The following BAG6 variants were observed in gnomAD, a reference collection of about 807,000 sequenced individuals.
BAG6 encodes the protein large proline-rich protein BAG6.
A neutral mutation model predicts 121.0 loss-of-function variants in BAG6; 22 were observed. The ratio of observed to expected loss-of-function variants is 0.18; its 90% CI spans 0.13 to 0.26. The LOEUF (loss-of-function observed/expected upper bound fraction) is 0.26. Ranked by LOEUF, BAG6 falls within the 10% of genes least tolerant of loss-of-function variation. The pLI, the probability that BAG6 is intolerant of heterozygous loss-of-function variation, is 1.00. For synonymous variants in BAG6, 583 were observed against 584.6 expected (o/e 1.00, Z 0.04); for missense variants, 1,233 against 1,537.7 (o/e 0.80, Z 3.31).
Position 31,649,393 on chromosome 6 carries a change from C to T in BAG6, c.229G>A (p.Val77Ile), listed in dbSNP as rs769204582. ...ACCAGGTGGATAACCTTTCCCCCAA[C>T]ATCTGCAGAAAAATAGACACACACC... is the stretch of plus-strand genomic sequence containing the variant. Reference protein sequence around the residue: ...QDDKKLQEYNVGGKVIHLVER... With the variant: ...QDDKKLQEYNIGGKVIHLVER... The change falls in exon 4 of 26, where the codon GTT becomes ATT. Residue 77 changes from valine to isoleucine, a missense_variant and splice_region_variant. Transcript: ENST00000676615. 1 of 1,602,220 alleles carries T rather than the reference C, an allele frequency of 6.2e-7. No homozygotes were observed. Among genetic ancestry groups the T allele is most frequent in the Non-Finnish European group, 8.5e-7 (1 of 1,173,984 alleles).
chr6:31,647,957 C>T (rs868403722), intron 6 of BAG6, 131 bp from the exon 7 acceptor site: 10 of 1,226,968 alleles, frequency 8.2e-6, no homozygotes, highest in Middle Eastern at 4.8e-4. Flanking sequence ...ATTTTATCTC[C>T]GACTCGCTAG....
chr6:31,645,646 A>G (rs183277513), intron 8 of BAG6, 42 bp from the exon 9 acceptor site: 3 of 1,600,658 alleles, frequency 1.9e-6, no homozygotes, highest in East Asian at 4.5e-5. Flanking sequence ...GAAAATATCA[A>G]GCTGGAGTCC....
At position 31,644,828 on chromosome 6, in the gene BAG6, T is replaced by C. The variant is rs1461852957; in HGVS notation, c.1369+118A>G. The C allele has an allele frequency of 1.4e-6, 2 of 1,479,602 alleles. No homozygotes were observed. Among genetic ancestry groups the C allele is most frequent in the Non-Finnish European group, 1.8e-6 (2 of 1,097,706 alleles). 91.7% of individuals were successfully genotyped at this position (1,479,602 alleles called of 1,614,324 possible). A position where few individuals can be genotyped will look rare whatever the true frequency, so the allele number is the denominator to read the frequency against. On this transcript the variant is annotated intron_variant, in intron 10 of 25. Coordinates refer to ENST00000676615, the MANE Select transcript of BAG6 (RefSeq NM_001387994.1). The surrounding 1 kb of genome is among the most constrained non-coding windows in gnomAD (Gnocchi z 4.9). Reference sequence around the variant, plus strand: ...CTGTCTACTTAAGCTTCTGCTCTGGTCCCCAGGCTACCACCACCAGCATGT... The same window carrying C: ...CTGTCTACTTAAGCTTCTGCTCTGGCCCCCAGGCTACCACCACCAGCATGT...
At chr6:31,643,249 T>G in intron 14 of BAG6, 134 bp from the exon 15 acceptor site, 1 of 836,570 alleles carries the variant, frequency 1.2e-6, no homozygotes, top group Non-Finnish European at 1.8e-6. Flanking sequence ...ACCCCATCTC[T>G]ACCAGAAAAA....
Position 31,640,346 on chromosome 6 carries a change from C to T in BAG6, c.3138+39G>A, listed in dbSNP as rs988488917. On this transcript the variant is annotated intron_variant, in intron 23 of 25. Transcript: ENST00000676615. The surrounding 1 kb of genome is among the most constrained non-coding windows in gnomAD (Gnocchi z 4.2). ...AGAAAATAGTAATGTCCTTGACTTT[C>T]AGCTGCCATGACCCACTGGATTACT... 1.9e-6 allele frequency: 3 copies of T among 1,614,080 alleles called. No homozygotes were observed. Among genetic ancestry groups the T allele is most frequent in the Non-Finnish European group, 2.5e-6 (3 of 1,180,036 alleles).
chr6:31,639,276 G>GATCCCAGC, intron 25 of BAG6, 50 bp from the exon 26 acceptor site: 1 of 1,535,806 alleles, frequency 6.5e-7, no homozygotes, highest in Non-Finnish European at 9.0e-7. Context: ...AAGTCCCCAT[G>GATCCCAGC]ATCCCAGCAA....
At position 31,649,326 on chromosome 6, in the gene BAG6, G is replaced by C. The variant is rs758314013; in HGVS notation, c.296C>G (p.Ser99Cys). Residue 99 changes from serine (S) to cysteine (C), a missense_variant, in exon 4 of 26, where the codon TCT becomes TGT. Around this residue, in one of 7 missense-constraint regions of BAG6, gnomAD observed 777 missense variants for 861.4 expected, o/e 0.90. Coordinates refer to ENST00000676615, the MANE Select transcript of BAG6 (RefSeq NM_001387994.1). ...GGCTGAGGCAGACCCCGTCCCAGAA[G>C]ATGCCCCAGAAGGGAGGTGAGTCTG... ...PPQTHLPSGA[S>C]SGTGSASATH... 1 of 1,613,460 alleles carries C rather than the reference G, an allele frequency of 6.2e-7. No homozygotes were observed. Among genetic ancestry groups the C allele is most frequent in the Admixed American group, 1.7e-5 (1 of 59,994 alleles).
intron 24 of BAG6, 23 bp from the exon 25 acceptor site, chr6:31,639,669 G>C (rs981142289): frequency 1.3e-6 from 2 of 1,590,366 alleles, no homozygotes; most frequent in African/African-American, 1.3e-5. Flanking sequence ...GGGTTGGGAG[G>C]GAAAAGAGGA....
At chr6:31,649,988 C>G (rs1015636524) in intron 2 of BAG6, among the ~76,000 whole-genome samples, 1 of 151,808 alleles carries the variant, frequency 6.6e-6, no homozygotes, top group South Asian at 2.1e-4. Context: ...GTAATCCCAG[C>G]TACTAGGGAG....
Position 31,640,155 on chromosome 6 carries a change from G to A in BAG6, c.3246+44C>T. The A allele has an allele frequency of 6.3e-7, 1 of 1,579,486 alleles. No individual in the cohort carries two copies. The highest frequency in any genetic ancestry group is 2.2e-5 in the East Asian group (1 of 44,688). On this transcript the variant is annotated intron_variant, in intron 24 of 25. Transcript: ENST00000676615. The surrounding 1 kb of genome is among the most constrained non-coding windows in gnomAD (Gnocchi z 4.2). ...ATAGTTTGATTCCAGGCATGACGGG[G>A]AAACCTGGATAGAGAGAGAGGCTTA...
chr6:31,646,634 C>T, intron 7 of BAG6, 111 bp from the exon 8 acceptor site: 2 of 1,382,174 alleles, frequency 1.4e-6, no homozygotes, highest in Non-Finnish European at 9.7e-7. Context: ...AGAGCCCTGG[C>T]CCAATCCTTC....
rs766554291 is a variant in BAG6 at position 31,649,576 on chromosome 6, A to G, written c.160T>C (p.Ser54Pro). 1 of 1,614,140 alleles carries G rather than the reference A, an allele frequency of 6.2e-7. No individual in the cohort carries two copies. The highest frequency in any genetic ancestry group is 1.1e-5 in the South Asian group (1 of 91,082). Residue 54 changes from serine to proline, a missense_variant, in exon 3 of 26, where the codon TCT becomes CCT. Physicochemically the swap from Ser to Pro is moderately conservative, Grantham distance 74. Coordinates refer to ENST00000676615, the MANE Select transcript of BAG6 (RefSeq NM_001387994.1). Reference sequence around the variant, plus strand: ...TGGTAAATGAGCCGTTGTTTTTCAGATGGGATGCTGACAGAGGCAGCAATG... The same window carrying G: ...TGGTAAATGAGCCGTTGTTTTTCAGGTGGGATGCTGACAGAGGCAGCAATG... ...EHIAASVSIP[S>P]EKQRLIYQGR...
intron 7 of BAG6, 129 bp from the exon 8 acceptor site, chr6:31,646,652 C>G: frequency 8.3e-7 from 1 of 1,201,412 alleles, no homozygotes; most frequent in South Asian, 1.6e-5. Flanking sequence ...TTCTCTGGAC[C>G]AGCAGAGCTT....
At chr6:31,643,218 G>A in intron 14 of BAG6, 103 bp from the exon 15 acceptor site, 1 of 1,215,706 alleles carries the variant, frequency 8.2e-7, no homozygotes, top group East Asian at 2.6e-5. Context: ...TTGAGCCCAG[G>A]AGTCTAGGCC....
chr6:31,649,244 G>C lies in BAG6; in HGVS notation c.378C>G (p.Asp126Glu). The C allele has an allele frequency of 6.2e-7, 1 of 1,613,070 alleles. No individual in the cohort carries two copies. The highest frequency in any genetic ancestry group is 1.1e-5 in the South Asian group (1 of 91,086). The change falls in exon 4 of 26, where the codon GAC becomes GAG. Residue 126 changes from aspartate to glutamate, a missense_variant. Coordinates refer to ENST00000676615, the MANE Select transcript of BAG6 (RefSeq NM_001387994.1). The part of the protein sequence containing the change: ...GTRGPGASVH[D>E]RNANSYVMVG... ...CCATGACATAGCTGTTGGCATTCCG[G>C]TCATGAACAGAGGCCCCAGGCCCCC...
At position 31,642,000 on chromosome 6, in the gene BAG6, C is replaced by G; in HGVS notation, c.2336-55G>C. ...GCCTTTACCACCTGGCCTGCCCACC[C>G]ACAACCAGATCATCAACCTCATCCC... is the stretch of plus-strand genomic sequence containing the variant. On this transcript the variant is annotated intron_variant, in intron 16 of 25. Coordinates refer to ENST00000676615, the MANE Select transcript of BAG6 (RefSeq NM_001387994.1). The surrounding 1 kb of genome is among the most constrained non-coding windows in gnomAD (Gnocchi z 5.7). The G allele has an allele frequency of 6.2e-7, 1 of 1,602,520 alleles. No individual in the cohort carries two copies. Among genetic ancestry groups the G allele is most frequent in the South Asian group, 1.1e-5 (1 of 89,910 alleles).
chr6:31,645,504 T>A lies in BAG6; in HGVS notation c.1019A>T (p.Asn340Ile). 1.2e-6 allele frequency: 2 copies of A among 1,613,078 alleles called. No individual in the cohort carries two copies. The highest frequency in any genetic ancestry group is 1.7e-6 in the Non-Finnish European group (2 of 1,180,016). The part of the protein sequence containing the change: ...TFVALSDLRC[N>I]LACTPPRHLH... ...GTGTCGTGGGGGCGTGCAGGCCAGA[T>A]TGCAGCGCAGGTCAGACAGTGCAAC... The change falls in exon 9 of 26, where the codon AAT becomes ATT. Residue 340 changes from asparagine (N) to isoleucine (I), a missense_variant. By Grantham distance (149) the Asn-to-Ile change is moderately radical (BLOSUM62 -3). Coordinates refer to ENST00000676615, the MANE Select transcript of BAG6 (RefSeq NM_001387994.1).
At position 31,645,127 on chromosome 6, in the gene BAG6, T is replaced by A; in HGVS notation, c.1188A>T (p.Ala396=). The A allele has an allele frequency of 1.9e-6, 3 of 1,612,278 alleles. No individual in the cohort carries two copies. Among genetic ancestry groups the A allele is most frequent in the Non-Finnish European group, 2.5e-6 (3 of 1,179,844 alleles). ...AGGCCTGCCCAGGACCAGGGGGAGG[T>A]GCCTCTGCATTGGGAGTTGGGGGGG... is the stretch of plus-strand genomic sequence containing the variant. The part of the protein sequence containing the change: ...TRPPPTPNAE[A]PPPGPGQASS... The change falls in exon 10 of 26, where the codon GCA becomes GCT. Residue 396 remains alanine, a synonymous_variant. Coordinates refer to ENST00000676615, the MANE Select transcript of BAG6 (RefSeq NM_001387994.1).
chr6:31,650,736 G>A (rs997708798), intron 2 of BAG6, among the ~76,000 whole-genome samples: 5 of 151,410 alleles, frequency 3.3e-5, no homozygotes, highest in African/African-American at 1.2e-4. Context: ...AAGTACCAGA[G>A]TATTTATATA....
Sources: allele counts gnomAD v4.1 joint callset (sites outside exome capture counted in the v4.1 genomes callset), GRCh38; gene constraint gnomAD v4.1.1; regional missense constraint gnomAD v4.1.1; non-coding constraint Gnocchi (gnomAD v3.1); transcripts MANE v1.5; gene names NCBI Gene and HGNC (gene_info 2026-07-23, HGNC 2026-07-21).